The following EXT2 variants were observed in gnomAD, a reference collection of about 807,000 sequenced individuals.
The protein encoded by EXT2 is exostosin-2.
EXT2 carries 53 observed loss-of-function variants against 81.6 expected under a neutral mutation model. The ratio of observed to expected loss-of-function variants is 0.65; its 90% CI spans 0.52 to 0.82. The LOEUF (loss-of-function observed/expected upper bound fraction) is 0.82. Among genes scored for constraint, EXT2 ranks in the 40% least tolerant of loss-of-function variants. EXT2 has a pLI of 0.00. For synonymous variants in EXT2, 320 were observed against 340.0 expected (o/e 0.94, Z 0.65); for missense variants, 774 against 910.2 (o/e 0.85, Z 1.93).
At chr11:44,216,032 G>A (rs1194120321) in intron 10 of EXT2, among the ~76,000 whole-genome samples, 2 of 151,812 alleles carry the variant, frequency 1.3e-5, no homozygotes, top group African/African-American at 2.4e-5. Flanking sequence ...GCCCGCCACC[G>A]CGCCCGGCTA....
Position 44,227,034 on chromosome 11 carries a change from C to G in EXT2, c.1663-5319C>G, listed in dbSNP as rs79697485. On this transcript the variant is annotated intron_variant, in intron 10 of 13. Transcript: ENST00000533608. ...ACCCAGTAGCAATATCCCTGTGGAA[C>G]TGTGCCTTTGACAGTGTGATGACTG... Among the ~76,000 whole-genome samples, 769 of 152,352 alleles carry G rather than the reference C, an allele frequency of 5.0e-3. 10 individuals are homozygous for G. Among genetic ancestry groups the G allele is most frequent in the East Asian group, 0.043 (223 of 5,182 alleles).
rs886039744 is a variant in EXT2, at chr11:44,107,796, CCT to C, written c.87_88del (p.Phe30LeufsTer25). ...KTKHRIYYIT[L>X]FSIVLLGLIA... ...CCAAGCACCGAATCTACTATATCACCCTCTTCTCCATTGTCCTCCTGGGCCTC... is the reference window on the plus strand; with the variant it reads ...CCAAGCACCGAATCTACTATATCACCCTTCTCCATTGTCCTCCTGGGCCTC... On this transcript the variant is annotated frameshift_variant, in exon 2 of 14. Coordinates refer to ENST00000533608, the MANE Select transcript of EXT2 (RefSeq NM_207122.2). LOFTEE classifies it high-confidence loss of function. 1 of 1,614,024 alleles carries C rather than the reference CCT, an allele frequency of 6.2e-7. No individual in the cohort carries two copies. The highest frequency in any genetic ancestry group is 1.3e-5 in the African/African-American group (1 of 74,902).
At chr11:44,139,407 G>A (rs1461378042) in intron 7 of EXT2, among the ~76,000 whole-genome samples, 1 of 152,068 alleles carries the variant, frequency 6.6e-6, no homozygotes, top group Admixed American at 6.5e-5. Flanking sequence ...CAGCTGAGGA[G>A]CTACAGTCTA....
chr11:44,108,277 C>A, intron 2 of EXT2, 29 bp downstream of exon 2: 1 of 1,605,142 alleles, frequency 6.2e-7, no homozygotes, highest in South Asian at 1.1e-5. Context: ...GCCCAGCCCC[C>A]AGGAGATACT....
At chr11:44,130,255 ACTAG>A in intron 7 of EXT2, 117 bp downstream of exon 7, 1 of 763,038 alleles carries the variant, frequency 1.3e-6, no homozygotes, top group Non-Finnish European at 2.4e-6. Context: ...CACTAGATCA[ACTAG>A]CCAAACTGAA....
rs1956094006 is a variant in EXT2, at chr11:44,246,397, A to T, written c.*2110A>T. 6.6e-6 allele frequency among the ~76,000 whole-genome samples: 1 copy of T among 152,156 alleles called. No homozygotes were observed. The highest frequency in any genetic ancestry group is 2.1e-4 in the South Asian group (1 of 4,818). On this transcript the variant is annotated 3_prime_UTR_variant, in exon 14 of 14. Transcript: ENST00000533608. ...GTACATTTTTAAATTTTTATTTTTT[A>T]AAATCTTGAGAGTCCTTTGATTTGG...
At chr11:44,225,090 C>T (rs896136258) in intron 10 of EXT2, among the ~76,000 whole-genome samples, 6 of 152,096 alleles carry the variant, frequency 3.9e-5, no homozygotes, top group African/African-American at 1.4e-4. Context: ...TTTACTGGGT[C>T]TTAGGGAGCA....
At chr11:44,106,570 G>A (rs2134962194) in intron 1 of EXT2, among the ~76,000 whole-genome samples, 1 of 151,870 alleles carries the variant, frequency 6.6e-6, no homozygotes, top group South Asian at 2.1e-4. Flanking sequence ...TTTCATCTTT[G>A]TTTTCTTCAC....
chr11:44,179,154 C>A (rs1361423485), intron 8 of EXT2, among the ~76,000 whole-genome samples: 1 of 152,022 alleles, frequency 6.6e-6, no homozygotes, highest in African/African-American at 2.4e-5. Flanking sequence ...AAATCACAAG[C>A]CAGATCCAGA....
chr11:44,154,589 A>G (rs1397772291), intron 7 of EXT2, among the ~76,000 whole-genome samples: 1 of 152,086 alleles, frequency 6.6e-6, no homozygotes, highest in African/African-American at 2.4e-5. Flanking sequence ...GAATAGTGCT[A>G]TTATAAGCAT....
intron 7 of EXT2, among the ~76,000 whole-genome samples, chr11:44,136,741 T>C (rs996202464): frequency 6.6e-6 from 1 of 152,122 alleles, no homozygotes; most frequent in African/African-American, 2.4e-5. Flanking sequence ...TCCCTGCCCC[T>C]CCTCCTCCCC....
chr11:44,223,470 TACAC>T (rs1391750515), intron 10 of EXT2, among the ~76,000 whole-genome samples: 1 of 152,168 alleles, frequency 6.6e-6, no homozygotes, highest in Non-Finnish European at 1.5e-5. Flanking sequence ...AAACTACTGA[TACAC>T]ACAACAGCTT....
intron 4 of EXT2, among the ~76,000 whole-genome samples, chr11:44,120,146 CA>C (rs1192280445): frequency 6.6e-6 from 1 of 152,156 alleles, no homozygotes; most frequent in African/African-American, 2.4e-5. Flanking sequence ...TTAGATACAT[CA>C]ATATATAATT....
At chr11:44,223,808 G>A (rs1252330807) in intron 10 of EXT2, among the ~76,000 whole-genome samples, 1 of 152,046 alleles carries the variant, frequency 6.6e-6, no homozygotes, top group Non-Finnish European at 1.5e-5. Context: ...CCGCCACTAG[G>A]CCCGGCTAAT....
At chr11:44,243,618 C>CG (rs1956062079) in intron 13 of EXT2, among the ~76,000 whole-genome samples, 2 of 72,894 alleles carry the variant, frequency 2.7e-5, no homozygotes, top group African/African-American at 1.1e-4. Flanking sequence ...GCCCTGTCAC[C>CG]TTTTTTTTTT....
chr11:44,201,255 T>A (rs1458138628), intron 9 of EXT2, among the ~76,000 whole-genome samples: 1 of 152,224 alleles, frequency 6.6e-6, no homozygotes, highest in African/African-American at 2.4e-5. Context: ...AGTTTCTGTC[T>A]GCATTCTAGG....
intron 8 of EXT2, among the ~76,000 whole-genome samples, chr11:44,188,230 G>A (rs980693683): frequency 6.6e-6 from 1 of 152,170 alleles, no homozygotes; most frequent in Admixed American, 6.5e-5. Context: ...CTTTTGCCAT[G>A]GAGACTTTTG....
At chr11:44,222,707 G>A (rs1408950915) in intron 10 of EXT2, among the ~76,000 whole-genome samples, 4 of 151,844 alleles carry the variant, frequency 2.6e-5, no homozygotes, top group African/African-American at 9.7e-5. Context: ...AAAGTCTTCA[G>A]ACTCTAGGGC....
chr11:44,097,145 C>T (rs767061992), intron 1 of EXT2, among the ~76,000 whole-genome samples: 68 of 152,112 alleles, frequency 4.5e-4, no homozygotes, highest in Non-Finnish European at 7.8e-4. Context: ...AATAGCTTGG[C>T]TTATAGTGCT....
Sources: allele counts gnomAD v4.1 joint callset (sites outside exome capture counted in the v4.1 genomes callset), GRCh38; gene constraint gnomAD v4.1.1; transcripts MANE v1.5; gene names NCBI Gene and HGNC (gene_info 2026-07-23, HGNC 2026-07-21).